The following ABL1 variants were observed in gnomAD, a reference collection of about 807,000 sequenced individuals.
The protein encoded by ABL1 is ABL proto-oncogene 1, non-receptor tyrosine kinase.
ABL1 carries 11 observed loss-of-function variants against 94.7 expected under a neutral mutation model. That is an observed-to-expected ratio of 0.12 (90% CI 0.07 to 0.19). The LOEUF is 0.19. Ranked by LOEUF, ABL1 falls within the 10% of genes least tolerant of loss-of-function variation. The pLI is 1.00. For synonymous variants in ABL1, 656 were observed against 622.4 expected, an observed-to-expected ratio of 1.05 and a Z score of -0.80; for missense variants, 1,082 against 1,489.4, an observed-to-expected ratio of 0.73 and a Z score of 4.50.
intron 10 of ABL1, among the ~76,000 whole-genome samples, chr9:130,882,873 G>C (rs1831485272): frequency 6.6e-6 from 1 of 152,114 alleles, no homozygotes; most frequent in African/African-American, 2.4e-5. Context: ...CATATTTAAA[G>C]AGTGCCCATT....
intron 1 of ABL1, among the ~76,000 whole-genome samples, chr9:130,739,009 A>C (rs1831780842): frequency 6.6e-6 from 1 of 152,122 alleles, no homozygotes; most frequent in African/African-American, 2.4e-5. Context: ...CAGCCTCCAG[A>C]GTAGCGGGGA....
intron 1 of ABL1, among the ~76,000 whole-genome samples, chr9:130,737,657 A>C (rs753993124): frequency 6.6e-5 from 10 of 152,060 alleles, no homozygotes; most frequent in Non-Finnish European, 1.3e-4. Flanking sequence ...CCACAAGCAG[A>C]GTTTAAAGCC....
rs966689063 is a variant in ABL1 at position 130,814,433 on chromosome 9, A to G, written c.137-39631A>G. On this transcript the variant is annotated intron_variant, in intron 1 of 10. Coordinates refer to the ABL1 transcript ENST00000372348. This position sits in a 1 kb window ranked among gnomAD's most constrained non-coding sequence, Gnocchi z 4.4. Reference sequence around the variant, plus strand: ...ACCTCTACCCAGACTGATCAGGGGAAAAAAGGGAAGACAATAACTGTAATA... The same window carrying G: ...ACCTCTACCCAGACTGATCAGGGGAGAAAAGGGAAGACAATAACTGTAATA... Among the ~76,000 whole-genome samples, 8 of 152,234 alleles carry G rather than the reference A, an allele frequency of 5.3e-5. No individual in the cohort carries two copies. Among genetic ancestry groups the G allele is most frequent in the African/African-American group, 1.9e-4 (8 of 41,464 alleles).
At chr9:130,746,783 A>G (rs1443059283) in intron 1 of ABL1, among the ~76,000 whole-genome samples, 3 of 152,204 alleles carry the variant, frequency 2.0e-5, no homozygotes, top group Non-Finnish European at 4.4e-5. Context: ...TTTTTAATTC[A>G]CTTAGCATAT....
At chr9:130,731,849 C>T (rs1017751407) in intron 1 of ABL1, among the ~76,000 whole-genome samples, 1 of 151,822 alleles carries the variant, frequency 6.6e-6, no homozygotes, top group Non-Finnish European at 1.5e-5. Context: ...TTTCTTTGAT[C>T]CTAGAAATGA....
At chr9:130,771,237 T>C (rs1174071616) in intron 1 of ABL1, among the ~76,000 whole-genome samples, 7 of 149,376 alleles carry the variant, frequency 4.7e-5, no homozygotes, top group Non-Finnish European at 8.8e-5. Context: ...TGTATGTGTG[T>C]GTGTGTATGT....
chr9:130,723,805 T>C (rs1831544696), intron 1 of ABL1, among the ~76,000 whole-genome samples: 2 of 152,092 alleles, frequency 1.3e-5, no homozygotes, highest in Non-Finnish European at 2.9e-5. Context: ...TTTTATTTTT[T>C]AACTTTTTTT....
intron 1 of ABL1, among the ~76,000 whole-genome samples, chr9:130,720,892 A>G (rs1046936335): frequency 6.6e-6 from 1 of 152,032 alleles, no homozygotes; most frequent in Non-Finnish European, 1.5e-5. Flanking sequence ...TTCGAACTGA[A>G]TAACTGGAAG....
At chr9:130,744,570 T>C (rs987451405) in intron 1 of ABL1, among the ~76,000 whole-genome samples, 5 of 149,868 alleles carry the variant, frequency 3.3e-5, no homozygotes, top group Admixed American at 6.7e-5. Flanking sequence ...CTGTCTTTTC[T>C]GGCCAGGCGC....
intron 1 of ABL1, among the ~76,000 whole-genome samples, chr9:130,849,089 CTT>C (rs1564310359): frequency 6.6e-6 from 1 of 152,254 alleles, no homozygotes; most frequent in South Asian, 2.1e-4. Flanking sequence ...AATATAAACA[CTT>C]AATATATTAT....
chr9:130,786,391 T>G (rs1353772207), intron 1 of ABL1, among the ~76,000 whole-genome samples: 1 of 152,206 alleles, frequency 6.6e-6, no homozygotes, highest in Non-Finnish European at 1.5e-5. Context: ...GTGTGTGAGT[T>G]TGACCCTGTG....
intron 1 of ABL1, among the ~76,000 whole-genome samples, chr9:130,744,774 G>A (rs1048502924): frequency 2.7e-5 from 4 of 149,446 alleles, no homozygotes; most frequent in Admixed American, 6.7e-5. Flanking sequence ...GGAGAATGGC[G>A]TGAACCCAGG....
At chr9:130,725,131 G>A (rs543391938) in intron 1 of ABL1, 30 of 173,204 alleles carry the variant, frequency 1.7e-4, no homozygotes, top group African/African-American at 5.7e-4. Context: ...GTATAACTCA[G>A]TGGCATTAAG....
At chr9:130,796,777 CAAAA>C (rs753488139) in intron 1 of ABL1, among the ~76,000 whole-genome samples, 3 of 146,518 alleles carry the variant, frequency 2.0e-5, no homozygotes, top group Admixed American at 6.8e-5. Context: ...AAAAAAAAAA[CAAAA>C]AAACTTTTTT....
chr9:130,803,705 A>G (rs1830086166), intron 1 of ABL1, among the ~76,000 whole-genome samples: 2 of 152,208 alleles, frequency 1.3e-5, no homozygotes, highest in African/African-American at 4.8e-5. Context: ...TATATCATCC[A>G]TTTGACAATT....
intron 3 of ABL1, among the ~76,000 whole-genome samples, chr9:130,858,088 C>T (rs770050466): frequency 2.5e-4 from 38 of 151,968 alleles, no homozygotes; most frequent in East Asian, 7.7e-4. Context: ...CATGCTGCAC[C>T]GAGATAGTCA....
intron 1 of ABL1, among the ~76,000 whole-genome samples, chr9:130,730,998 CTTTTTTTT>C (rs11300328): frequency 9.3e-5 from 6 of 64,496 alleles, no homozygotes; most frequent in South Asian, 6.8e-4. Flanking sequence ...CTCTATCTCT[CTTTTTTTT>C]TTTTTTTTTT....
intron 1 of ABL1, among the ~76,000 whole-genome samples, chr9:130,797,236 GAAAAAAAAA>G (rs71389356): frequency 0.023 from 1,269 of 55,142 alleles, 11 homozygotes; most frequent in African/African-American, 0.064. Context: ...ACTCCATCTC[GAAAAAAAAA>G]AAAAAAAAAA....
chr9:130,887,129 G>A lies in ABL1; in HGVS notation c.*1446G>A, dbSNP rs140546414. The A allele has an allele frequency of 2.3e-3, 530 of 233,168 alleles. No homozygotes were observed. Among genetic ancestry groups the A allele is most frequent in the South Asian group, 5.6e-3 (31 of 5,528 alleles). The allele number at this position is 233,168 out of a possible 1,614,324, so 14.4% of individuals were successfully genotyped here. On this transcript the variant is annotated 3_prime_UTR_variant, in exon 11 of 11. Coordinates refer to ENST00000318560, the MANE Select transcript of ABL1 (RefSeq NM_005157.6). ...CTCCGAGAGCAGTGGGCAGGTGGCC[G>A]CCCCTGAGGCTTCACGCCGGGAGAA...
Sources: allele counts gnomAD v4.1 joint callset (sites outside exome capture counted in the v4.1 genomes callset), GRCh38; gene constraint gnomAD v4.1.1; non-coding constraint Gnocchi (gnomAD v3.1); transcripts MANE v1.5; gene names NCBI Gene and HGNC (gene_info 2026-07-23, HGNC 2026-07-21).